BBS9: variants seen among roughly 807,000 people sequenced by gnomAD.
BBS9 encodes protein PTHB1.
In BBS9, 89 loss-of-function variants were observed where a neutral mutation model predicts 117.7. The observed-to-expected ratio is 0.76, with a 90% CI of 0.64 to 0.90. The LOEUF (loss-of-function observed/expected upper bound fraction) is 0.90, where lower values mean the gene tolerates loss of function less well. Ranked by LOEUF, BBS9 falls within the 40% of genes least tolerant of loss-of-function variation. The pLI is 0.00. For missense variants in BBS9, 982 were observed against 1,042.2 expected (o/e 0.94, Z 0.80); for synonymous variants, 379 against 370.9 (o/e 1.02, Z -0.25).
intron 19 of BBS9, among the ~76,000 whole-genome samples, chr7:33,473,591 C>T (rs1841396518): frequency 6.6e-6 from 1 of 152,162 alleles, no homozygotes; most frequent in Non-Finnish European, 1.5e-5. Flanking sequence ...CAAAGTGCTG[C>T]TGGGATTACA....
intron 5 of BBS9, among the ~76,000 whole-genome samples, chr7:33,181,444 G>T (rs1798087407): frequency 6.6e-6 from 1 of 152,172 alleles, no homozygotes; most frequent in Non-Finnish European, 1.5e-5. Flanking sequence ...GTTCGAGACA[G>T]AAAGCCAATT....
chr7:33,263,018 T>C (rs1460541173), intron 6 of BBS9, among the ~76,000 whole-genome samples: 1 of 152,192 alleles, frequency 6.6e-6, no homozygotes, highest in Non-Finnish European at 1.5e-5. Context: ...GATTATGTAG[T>C]AGTTTTTCCA....
chr7:33,499,117 AC>A (rs937860433), intron 19 of BBS9, among the ~76,000 whole-genome samples: 1 of 152,252 alleles, frequency 6.6e-6, no homozygotes, highest in Non-Finnish European at 1.5e-5. Context: ...TATAGATAAA[AC>A]CCCCATGTCA....
rs948418225 is a variant in BBS9 at position 33,367,862 on chromosome 7, C to T, written c.1789C>T (p.Gln597Ter). The change falls in exon 17 of 23, where the codon CAA becomes TAA. Residue 597 changes from glutamine to a stop codon, truncating the protein, a stop_gained and splice_region_variant. Transcript: ENST00000242067. LOFTEE classifies it high-confidence loss of function. ...RITVLASKTSQRYRIQSEQFE... is the reference protein window; with the variant it reads ...RITVLASKTS ...TACTGTTCTTGCTTCCAAAACTTCT[C>T]GTAAGTAAAACCATGTTATCATTGC... 9 of 1,613,106 alleles carry T rather than the reference C, an allele frequency of 5.6e-6. No homozygotes were observed. The highest frequency in any genetic ancestry group is 7.6e-6 in the Non-Finnish European group (9 of 1,179,280).
chr7:33,203,915 G>A (rs1399488465), intron 5 of BBS9, among the ~76,000 whole-genome samples: 6 of 150,262 alleles, frequency 4.0e-5, no homozygotes, highest in Admixed American at 6.6e-5. Flanking sequence ...TAGAGACGGG[G>A]TTTCACCATA....
intron 19 of BBS9, among the ~76,000 whole-genome samples, chr7:33,467,163 A>G (rs1840297388): frequency 6.6e-6 from 1 of 152,082 alleles, no homozygotes; most frequent in Non-Finnish European, 1.5e-5. Flanking sequence ...GAAGACATTT[A>G]TTGCACCCAT....
chr7:33,329,491 T>G (rs1282078856), intron 9 of BBS9, among the ~76,000 whole-genome samples: 1 of 152,174 alleles, frequency 6.6e-6, no homozygotes, highest in Non-Finnish European at 1.5e-5. Flanking sequence ...ACTTTTACAT[T>G]TATTATTTTT....
intron 20 of BBS9, among the ~76,000 whole-genome samples, chr7:33,524,350 T>C (rs1234392860): frequency 6.6e-6 from 1 of 152,170 alleles, no homozygotes; most frequent in East Asian, 1.9e-4. Context: ...GTACCTCTGA[T>C]AGTATTCGGC....
intron 7 of BBS9, among the ~76,000 whole-genome samples, chr7:33,270,114 C>T (rs959392218): frequency 1.3e-5 from 2 of 151,558 alleles, no homozygotes; most frequent in African/African-American, 4.8e-5. Flanking sequence ...TGCTAACATA[C>T]CCCACTTTGA....
At chr7:33,320,908 A>G (rs1811575796) in intron 9 of BBS9, among the ~76,000 whole-genome samples, 1 of 151,956 alleles carries the variant, frequency 6.6e-6, no homozygotes, top group African/African-American at 2.4e-5. Flanking sequence ...TGATTTTTGT[A>G]CATGGGGAGA....
intron 19 of BBS9, among the ~76,000 whole-genome samples, chr7:33,414,466 A>G (rs1259219374): frequency 6.6e-6 from 1 of 152,184 alleles, no homozygotes; most frequent in African/African-American, 2.4e-5. Flanking sequence ...AAAAATGAAA[A>G]TGGAAAAGCA....
chr7:33,529,113 T>A (rs373673015), intron 20 of BBS9, among the ~76,000 whole-genome samples: 27 of 152,256 alleles, frequency 1.8e-4, no homozygotes, highest in African/African-American at 6.3e-4. Flanking sequence ...GCCAGGTCCT[T>A]GAATTTAAAG....
intron 9 of BBS9, among the ~76,000 whole-genome samples, chr7:33,275,424 G>T (rs1205706810): frequency 1.3e-5 from 2 of 152,174 alleles, no homozygotes; most frequent in Non-Finnish European, 2.9e-5. Context: ...TTTAGAACAG[G>T]AAAAACATCT....
chr7:33,485,836 G>T (rs1007654842), intron 19 of BBS9, among the ~76,000 whole-genome samples: 2 of 152,116 alleles, frequency 1.3e-5, no homozygotes, highest in Non-Finnish European at 2.9e-5. Context: ...TAACCAAATT[G>T]TTCATTTTTG....
chr7:33,597,472 A>C (rs1326841063), intron 21 of BBS9, among the ~76,000 whole-genome samples: 2 of 152,152 alleles, frequency 1.3e-5, no homozygotes, highest in African/African-American at 2.4e-5. Context: ...AAAAGAAGAA[A>C]AGATTTTCTC....
intron 19 of BBS9, among the ~76,000 whole-genome samples, chr7:33,440,806 A>G (rs1350660932): frequency 1.3e-5 from 2 of 152,232 alleles, no homozygotes; most frequent in African/African-American, 4.8e-5. Context: ...GATCTAGTGC[A>G]TGGTGTATGC....
chr7:33,343,289 T>C (rs1816890812), intron 11 of BBS9, among the ~76,000 whole-genome samples: 1 of 152,198 alleles, frequency 6.6e-6, no homozygotes, highest in African/African-American at 2.4e-5. Context: ...TATTCTATCA[T>C]AGAGCATTTT....
intron 19 of BBS9, among the ~76,000 whole-genome samples, chr7:33,457,652 A>T (rs1838841668): frequency 6.6e-6 from 1 of 152,130 alleles, no homozygotes; most frequent in Non-Finnish European, 1.5e-5. Flanking sequence ...TTAGGATGAA[A>T]AGTCTTTTGA....
chr7:33,273,187 A>G lies in BBS9; in HGVS notation c.878A>G (p.Tyr293Cys). The G allele has an allele frequency of 6.2e-7, 1 of 1,613,644 alleles. No individual in the cohort carries two copies. ...LDWSPSCFLPYCSVSEGTINT... is the reference protein window; with the variant it reads ...LDWSPSCFLPCCSVSEGTINT... ...TGGAGCCCAAGTTGTTTTCTGCCAT[A>G]TTGCTCAGGTGTGTAGAAAGATTTT... Residue 293 changes from tyrosine (Y) to cysteine (C), a missense_variant, in exon 8 of 23, where the codon TAT becomes TGT. By Grantham distance (194) the Tyr-to-Cys change is radical. Transcript: ENST00000242067.
Sources: allele counts gnomAD v4.1 joint callset (sites outside exome capture counted in the v4.1 genomes callset), GRCh38; gene constraint gnomAD v4.1.1; transcripts MANE v1.5; gene names NCBI Gene and HGNC (gene_info 2026-07-23, HGNC 2026-07-21).